Variants in SUMF1 observed in about 807,000 individuals in gnomAD.
SUMF1 encodes the protein sulfatase modifying factor 1.
In SUMF1, 48 loss-of-function variants were observed where a neutral mutation model predicts 47.6. The observed-to-expected ratio is 1.01, with a 90% CI of 0.80 to 1.28. The LOEUF (loss-of-function observed/expected upper bound fraction) is 1.28. Among genes scored for constraint, SUMF1 ranks in the 50% most tolerant of loss-of-function variants. The pLI is 0.00. For synonymous variants in SUMF1, 230 were observed against 192.1 expected, an observed-to-expected ratio of 1.20 and a Z score of -1.63; for missense variants, 571 against 485.4, an observed-to-expected ratio of 1.18 and a Z score of -1.66.
intron 8 of SUMF1, among the ~76,000 whole-genome samples, chr3:4,369,006 A>G (rs1294677788): frequency 6.6e-6 from 1 of 152,040 alleles, no homozygotes; most frequent in Non-Finnish European, 1.5e-5. Context: ...TGCAGAAGCG[A>G]TAATTTGGAC....
At chr3:4,358,192 A>C (rs1408137400), downstream of SUMF1, among the ~76,000 whole-genome samples, 2 of 152,166 alleles carry the variant, frequency 1.3e-5, no homozygotes, top group Non-Finnish European at 2.9e-5. Context: ...CTTTAAAAAA[A>C]AAGAGATACA....
intron 7 of SUMF1, among the ~76,000 whole-genome samples, chr3:4,382,564 T>C (rs1197107337): frequency 6.6e-6 from 1 of 152,140 alleles, no homozygotes; most frequent in African/African-American, 2.4e-5. Flanking sequence ...GCAATCCCAT[T>C]ATTGGGTATG....
intron 3 of SUMF1, among the ~76,000 whole-genome samples, chr3:4,440,952 T>C (rs1702566420): frequency 6.6e-6 from 1 of 152,114 alleles, no homozygotes; most frequent in South Asian, 2.1e-4. Flanking sequence ...AGTCTTTATC[T>C]TAAATACTGG....
intron 8 of SUMF1, among the ~76,000 whole-genome samples, chr3:4,235,961 G>A (rs1696398575): frequency 6.6e-6 from 1 of 151,920 alleles, no homozygotes; most frequent in Non-Finnish European, 1.5e-5. Flanking sequence ...TAATTTTTTT[G>A]AGACAGGGTC....
chr3:4,212,247 T>A (rs187947859), intron 8 of SUMF1, among the ~76,000 whole-genome samples: 1 of 152,124 alleles, frequency 6.6e-6, no homozygotes, highest in Admixed American at 6.5e-5. Context: ...GTCAGCAATC[T>A]TTGCTGTTCT....
chr3:4,197,842 A>T (rs912417453), intron 8 of SUMF1, among the ~76,000 whole-genome samples: 1 of 152,166 alleles, frequency 6.6e-6, no homozygotes, highest in Non-Finnish European at 1.5e-5. Context: ...TTCTGCCACT[A>T]TCGCTGCTTC....
intron 8 of SUMF1, among the ~76,000 whole-genome samples, chr3:4,295,414 T>C (rs1697830365): frequency 6.6e-6 from 1 of 151,930 alleles, no homozygotes; most frequent in Non-Finnish European, 1.5e-5. Flanking sequence ...AACTTCATCT[T>C]TGCTTTCAAA....
intron 8 of SUMF1, among the ~76,000 whole-genome samples, chr3:4,224,063 G>A (rs1474791116): frequency 6.6e-6 from 1 of 152,098 alleles, no homozygotes; most frequent in Non-Finnish European, 1.5e-5. Flanking sequence ...AGGGGCCGGG[G>A]GTGGAGTGTG....
intron 8 of SUMF1, among the ~76,000 whole-genome samples, chr3:4,353,698 C>T (rs1447965392): frequency 6.6e-6 from 1 of 152,118 alleles, no homozygotes; most frequent in African/African-American, 2.4e-5. Context: ...ATCAGTTTGA[C>T]TCACAGGCCC....
intron 3 of SUMF1, among the ~76,000 whole-genome samples, chr3:4,427,001 T>G (rs902542843): frequency 2.0e-5 from 3 of 152,160 alleles, no homozygotes; most frequent in East Asian, 1.9e-4. Flanking sequence ...CAAAGACATG[T>G]TTCCCACCTC....
chr3:4,435,745 G>A (rs1702376504), intron 3 of SUMF1, among the ~76,000 whole-genome samples: 1 of 152,176 alleles, frequency 6.6e-6, no homozygotes, highest in South Asian at 2.1e-4. Flanking sequence ...TTTGTAAAGT[G>A]ATGAAAGAAA....
At chr3:4,160,113 C>T (rs1170757358) in intron 8 of SUMF1, among the ~76,000 whole-genome samples, 1 of 152,058 alleles carries the variant, frequency 6.6e-6, no homozygotes, top group Non-Finnish European at 1.5e-5. Context: ...GTTTGGAAAA[C>T]TCTCTGTTAT....
chr3:4,379,425 G>A (rs760158323), intron 7 of SUMF1, among the ~76,000 whole-genome samples: 1 of 152,246 alleles, frequency 6.6e-6, no homozygotes, highest in African/African-American at 2.4e-5. Context: ...GCGGCTACAA[G>A]CCAAGGAATG....
At chr3:4,200,947 A>T (rs568149312) in intron 8 of SUMF1, among the ~76,000 whole-genome samples, 6 of 152,234 alleles carry the variant, frequency 3.9e-5, no homozygotes, top group Middle Eastern at 6.8e-3. Context: ...CTTTATAGTA[A>T]AGTTTTGAAA....
At chr3:4,238,693 G>C (rs1696466177) in intron 8 of SUMF1, among the ~76,000 whole-genome samples, 1 of 152,140 alleles carries the variant, frequency 6.6e-6, no homozygotes, top group Non-Finnish European at 1.5e-5. Context: ...CAGATGGATA[G>C]ATTGCAAAAA....
chr3:4,115,852 A>G (rs751338421), intron 8 of SUMF1, among the ~76,000 whole-genome samples: 6 of 152,100 alleles, frequency 3.9e-5, no homozygotes, highest in Admixed American at 6.6e-5. Flanking sequence ...TATTTTGTAA[A>G]CGACTAAATT....
At chr3:4,322,298 T>C (rs1242861603) in intron 8 of SUMF1, among the ~76,000 whole-genome samples, 1 of 152,130 alleles carries the variant, frequency 6.6e-6, no homozygotes, top group East Asian at 1.9e-4. Context: ...CATAATGTAA[T>C]GATATGTATA....
intron 7 of SUMF1, among the ~76,000 whole-genome samples, chr3:4,391,673 G>C (rs910729651): frequency 6.6e-6 from 1 of 151,964 alleles, no homozygotes; most frequent in Non-Finnish European, 1.5e-5. Context: ...TGTGGATATA[G>C]GGTTTTGCCA....
At chr3:4,309,232 A>C (rs888396964) in intron 8 of SUMF1, among the ~76,000 whole-genome samples, 44 of 152,160 alleles carry the variant, frequency 2.9e-4, no homozygotes, top group African/African-American at 1.1e-3. Flanking sequence ...TCAGACTTAA[A>C]GAGTCTGTTC....
Sources: allele counts gnomAD v4.1 joint callset (sites outside exome capture counted in the v4.1 genomes callset), GRCh38; gene constraint gnomAD v4.1.1; transcripts MANE v1.5; gene names NCBI Gene and HGNC (gene_info 2026-07-23, HGNC 2026-07-21).